Variants in NAV3 observed in about 807,000 individuals in gnomAD.
NAV3 encodes the protein pore membrane and/or filament interacting like protein 1.
Under a neutral mutation model 244.7 loss-of-function variants are expected in NAV3, and 87 were observed. That is an observed-to-expected ratio of 0.36 (90% confidence interval 0.30 to 0.42). The LOEUF (loss-of-function observed/expected upper bound fraction) is 0.42, where lower values mean the gene tolerates loss of function less well. Among genes scored for constraint, NAV3 ranks in the 20% least tolerant of loss-of-function variants. The pLI is 1.00. For missense variants in NAV3, 2,663 were observed against 2,893.3 expected, an observed-to-expected ratio of 0.92 and a Z score of 1.83; for synonymous variants, 1,126 against 1,042.2, an observed-to-expected ratio of 1.08 and a Z score of -1.55.
chr12:77,865,366 A>G (rs968046393), intron 1 of NAV3, among the ~76,000 whole-genome samples: 61 of 42,406 alleles, frequency 1.4e-3, no homozygotes, highest in Admixed American at 5.8e-3. Flanking sequence ...GGTACCACAT[A>G]TTTCAAGCCC....
intron 12 of NAV3, among the ~76,000 whole-genome samples, chr12:78,065,764 G>A (rs1052546172): frequency 1.3e-5 from 2 of 152,042 alleles, no homozygotes; most frequent in African/African-American, 4.8e-5. Flanking sequence ...TTGCAGGGAA[G>A]GTAAGGAGAA....
intron 1 of NAV3, among the ~76,000 whole-genome samples, chr12:77,913,465 C>G (rs1230879092): frequency 6.6e-6 from 1 of 152,094 alleles, no homozygotes; most frequent in Admixed American, 6.6e-5. Context: ...CACAGTCTCA[C>G]TCTGTCACCC....
chr12:77,892,851 G>A (rs11831781), intron 1 of NAV3, among the ~76,000 whole-genome samples: 63,206 of 152,080 alleles, frequency 0.42, 14,476 homozygotes, highest in African/African-American at 0.62. Flanking sequence ...AGTGCTTAGT[G>A]TGGTACCTGG....
intron 2 of NAV3, among the ~76,000 whole-genome samples, chr12:77,655,130 A>G (rs1873028595): frequency 6.6e-6 from 1 of 152,246 alleles, no homozygotes; most frequent in African/African-American, 2.4e-5. Context: ...AGTTGAGAGA[A>G]GAAGGCTTCA....
At chr12:78,152,295 A>G (rs1296873509) in intron 22 of NAV3, among the ~76,000 whole-genome samples, 1 of 151,786 alleles carries the variant, frequency 6.6e-6, no homozygotes, top group East Asian at 1.9e-4. Context: ...CTAATGCAGT[A>G]TCTGGGAATT....
chr12:77,812,928 A>G (rs1365804441), intron 2 of NAV3, among the ~76,000 whole-genome samples: 2 of 151,834 alleles, frequency 1.3e-5, no homozygotes, highest in African/African-American at 4.8e-5. Flanking sequence ...CCAGGTTCAA[A>G]TGATTCTCAT....
intron 2 of NAV3, among the ~76,000 whole-genome samples, chr12:77,812,566 C>A (rs774197965): frequency 6.6e-6 from 1 of 151,946 alleles, no homozygotes; most frequent in Non-Finnish European, 1.5e-5. Flanking sequence ...AGGCACCTAC[C>A]ACTATGCCCG....
intron 24 of NAV3, among the ~76,000 whole-genome samples, chr12:78,172,603 T>G (rs1285273056): frequency 6.6e-6 from 1 of 151,518 alleles, no homozygotes; most frequent in Non-Finnish European, 1.5e-5. Context: ...ATAGGGAAGA[T>G]TATTCCAAGG....
intron 9 of NAV3, among the ~76,000 whole-genome samples, chr12:78,040,801 CTGTA>C (rs766244333): frequency 1.3e-5 from 2 of 152,122 alleles, no homozygotes; most frequent in African/African-American, 2.4e-5. Flanking sequence ...ATGCCAATAA[CTGTA>C]TGAAATCTTT....
chr12:78,040,243 G>A (rs1033740753), intron 9 of NAV3, among the ~76,000 whole-genome samples: 2 of 152,074 alleles, frequency 1.3e-5, no homozygotes, highest in Admixed American at 1.3e-4. Context: ...TATCTTTCAT[G>A]ACATGAATAA....
Position 77,732,255 on chromosome 12 carries a change from T to C in NAV3, c.72+159989T>C, listed in dbSNP as rs565555597. Among the ~76,000 whole-genome samples, 21 of 151,938 alleles carry C rather than the reference T, an allele frequency of 1.4e-4. No individual in the cohort carries two copies. In the East Asian group the frequency reaches 3.1e-3, roughly 22 times the overall value. On this transcript the variant is annotated intron_variant, in intron 2 of 8. Coordinates refer to the NAV3 transcript ENST00000550042. ...AGAGTTTTCAGAGAAGATCATGGTG[T>C]TGGGTTGCTGATATGGAATGAATAA...
chr12:77,944,668 A>G (rs1036883741), intron 3 of NAV3, among the ~76,000 whole-genome samples: 1 of 152,142 alleles, frequency 6.6e-6, no homozygotes, highest in Admixed American at 6.6e-5. Context: ...CAAGAATGGA[A>G]TCTTACAGGA....
At chr12:78,124,413 G>A (rs1310393479) in intron 16 of NAV3, among the ~76,000 whole-genome samples, 1 of 150,148 alleles carries the variant, frequency 6.7e-6, no homozygotes, top group Non-Finnish European at 1.5e-5. Flanking sequence ...TACATGTTCA[G>A]TCTTTGAAAT....
At chr12:78,059,343 C>T (rs1883983337) in intron 12 of NAV3, among the ~76,000 whole-genome samples, 1 of 151,894 alleles carries the variant, frequency 6.6e-6, no homozygotes, top group African/African-American at 2.4e-5. Flanking sequence ...GGCTGGAGTG[C>T]AATGGTGCAA....
At chr12:77,859,125 A>G (rs990558257) in intron 1 of NAV3, among the ~76,000 whole-genome samples, 2 of 152,106 alleles carry the variant, frequency 1.3e-5, no homozygotes, top group Non-Finnish European at 2.9e-5. Flanking sequence ...CCAGCAAAGA[A>G]TGAGAAGTCA....
In NAV3 at chr12:77,590,309, G is replaced by A. The variant is rs114598763; in HGVS notation, c.72+18043G>A. 1.7e-3 allele frequency among the ~76,000 whole-genome samples: 261 copies of A among 152,250 alleles called. 2 individuals are homozygous for A. Among genetic ancestry groups the A allele is most frequent in the African/African-American group, 5.9e-3 (246 of 41,534 alleles). Reference sequence around the variant, plus strand: ...CTGCCTTTGGCTTCAACAAAAGTCCGATAAAGTGAGATGGCTTAACAGCAA... The same window carrying A: ...CTGCCTTTGGCTTCAACAAAAGTCCAATAAAGTGAGATGGCTTAACAGCAA... On this transcript the variant is annotated intron_variant, in intron 2 of 8. Transcript: ENST00000550042.
At chr12:78,012,390 A>G (rs1207258246) in intron 8 of NAV3, among the ~76,000 whole-genome samples, 1 of 152,048 alleles carries the variant, frequency 6.6e-6, no homozygotes, top group East Asian at 1.9e-4. Context: ...TAAATCATAT[A>G]TCTTATTCTA....
chr12:77,621,013 A>G (rs1418914144), intron 2 of NAV3, among the ~76,000 whole-genome samples: 5 of 152,212 alleles, frequency 3.3e-5, no homozygotes, highest in Non-Finnish European at 7.3e-5. Context: ...CAAACTGAGA[A>G]GGGGTGAAAA....
intron 1 of NAV3, among the ~76,000 whole-genome samples, chr12:77,897,480 A>G (rs1185116011): frequency 6.6e-6 from 1 of 152,058 alleles, no homozygotes; most frequent in African/African-American, 2.4e-5. Flanking sequence ...TATTTCCTAT[A>G]TCCATGAACA....
Sources: allele counts gnomAD v4.1 joint callset (sites outside exome capture counted in the v4.1 genomes callset), GRCh38; gene constraint gnomAD v4.1.1; transcripts MANE v1.5; gene names NCBI Gene and HGNC (gene_info 2026-07-23, HGNC 2026-07-21).